GPRC5C: variants seen among roughly 807,000 people sequenced by gnomAD.
GPRC5C encodes the protein G protein-coupled receptor class C group 5 member C, also known as G protein-coupled receptor family C group 5 member C.
In GPRC5C, 22 loss-of-function variants were observed where a neutral mutation model predicts 31.4. The ratio of observed to expected loss-of-function variants is 0.70; its 90% CI spans 0.50 to 1.00. The LOEUF is 1.00. GPRC5C is among the 50% of genes least tolerant of loss of function. GPRC5C has a pLI of 0.00. For missense variants in GPRC5C, 557 were observed against 597.2 expected (o/e 0.93, Z 0.70); for synonymous variants, 249 against 257.5 (o/e 0.97, Z 0.32).
chr17:74,440,744 G>A lies in GPRC5C; in HGVS notation c.968G>A (p.Gly323Asp). The change falls in exon 2 of 4, where the codon GGC becomes GAC. Residue 323 changes from glycine (G) to aspartate (D), a missense_variant. Physicochemically the swap from Gly to Asp is moderately conservative, Grantham distance 94 (BLOSUM62 -1). Transcript: ENST00000392627. This position sits in a 1 kb window ranked among gnomAD's most constrained non-coding sequence, Gnocchi z 4.4. ...GACATGTACCCCACCCGGGGCGTGG[G>A]CTATGAGACCATCCTGAAAGAGCAG... ...QGDMYPTRGV[G>D]YETILKEQKG... is the part of the protein sequence containing the mutation. The A allele has an allele frequency of 6.3e-7, 1 of 1,593,164 alleles. No homozygotes were observed. The highest frequency in any genetic ancestry group is 1.3e-5 in the African/African-American group (1 of 74,630).
At chr17:74,443,710 C>T (rs1317011669) in intron 2 of GPRC5C, 108 bp from the exon 3 acceptor site, 1 of 902,814 alleles carries the variant, frequency 1.1e-6, no homozygotes, top group Non-Finnish European at 1.9e-6. Flanking sequence ...GTTGGCCTGC[C>T]CCCTTTACCT....
chr17:74,439,612 T>G, intron 1 of GPRC5C, 133 bp from the exon 2 acceptor site: 1 of 803,058 alleles, frequency 1.2e-6, no homozygotes. Flanking sequence ...TTAAGAAGGA[T>G]TCTGAGGTCC....
chr17:74,447,087 G>C lies in GPRC5C; in HGVS notation c.*59G>C. On this transcript the variant is annotated 3_prime_UTR_variant, in exon 4 of 4. Transcript: ENST00000392627. ...GGGAGGGCCCTGAGGACCTGGCCCC[G>C]GGCAAGGGACTCTCCAGGCTCCTCC... The C allele has an allele frequency of 1.3e-6, 2 of 1,562,840 alleles. No individual in the cohort carries two copies. The highest frequency in any genetic ancestry group is 1.7e-6 in the Non-Finnish European group (2 of 1,149,822).
intron 1 of GPRC5C, among the ~76,000 whole-genome samples, chr17:74,438,497 G>A (rs1226757612): frequency 2.6e-5 from 4 of 151,982 alleles, no homozygotes; most frequent in African/African-American, 9.7e-5. Flanking sequence ...CTGACCTCAA[G>A]TGATCCACCA....
chr17:74,440,080 T>C lies in GPRC5C; in HGVS notation c.304T>C (p.Cys102Arg), dbSNP rs145690790. The C allele has an allele frequency of 2.5e-6, 4 of 1,613,764 alleles. No homozygotes were observed. Among genetic ancestry groups the C allele is most frequent in the Non-Finnish European group, 3.4e-6 (4 of 1,180,028 alleles). ...FFLLGTLGLFCLVFACVVKPD... is the reference protein window; with the variant it reads ...FFLLGTLGLFRLVFACVVKPD... ...CCTTCTGGGGACCCTGGGCCTCTTCTGCCTCGTGTTTGCCTGTGTGGTGAA... is the reference window on the plus strand; with the variant it reads ...CCTTCTGGGGACCCTGGGCCTCTTCCGCCTCGTGTTTGCCTGTGTGGTGAA... Residue 102 changes from cysteine (C) to arginine (R), a missense_variant, in exon 2 of 4, where the codon TGC becomes CGC. Physicochemically the swap from Cys to Arg is radical, Grantham distance 180. Coordinates refer to ENST00000392627, the MANE Select transcript of GPRC5C (RefSeq NM_022036.4). This position sits in a 1 kb window ranked among gnomAD's most constrained non-coding sequence, Gnocchi z 4.4.
At chr17:74,448,223 C>G (rs1361875429), downstream of GPRC5C, among the ~76,000 whole-genome samples, 1 of 152,058 alleles carries the variant, frequency 6.6e-6, no homozygotes, top group Non-Finnish European at 1.5e-5. Context: ...ATCTCTTAAG[C>G]CCAGGAGGTC....
intron 1 of GPRC5C, chr17:74,432,622 G>A (rs2055371656): frequency 1.5e-6 from 1 of 653,554 alleles, no homozygotes; most frequent in African/African-American, 2.0e-5. Context: ...ACATCCTGCG[G>A]GCTGGGGACG....
Position 74,447,275 on chromosome 17 carries a change from C to G in GPRC5C, c.*247C>G, listed in dbSNP as rs930722977. The G allele has an allele frequency of 3.1e-6, 4 of 1,275,376 alleles. No individual in the cohort carries two copies. Among genetic ancestry groups the G allele is most frequent in the Non-Finnish European group, 4.0e-6 (4 of 1,007,888 alleles). 79.0% of individuals were successfully genotyped at this position (1,275,376 alleles called of 1,614,324 possible). A position where few individuals can be genotyped will look rare whatever the true frequency, so the allele number is the denominator to read the frequency against. The stretch of plus-strand genomic sequence containing the variant: ...CCAGGATCACCTCGGCGGTCACACT[C>G]CAGCCAAATAGTGTTCTCGGGGTGG... On this transcript the variant is annotated 3_prime_UTR_variant, in exon 4 of 4. Coordinates refer to ENST00000392627, the MANE Select transcript of GPRC5C (RefSeq NM_022036.4).
downstream of GPRC5C, among the ~76,000 whole-genome samples, chr17:74,449,143 A>G (rs878926225): frequency 8.8e-5 from 13 of 148,354 alleles, no homozygotes; most frequent in South Asian, 1.9e-3. Context: ...GGTTGCTGGG[A>G]AAAAAAAAAT....
chr17:74,441,899 A>G (rs938091321), intron 2 of GPRC5C, among the ~76,000 whole-genome samples: 2 of 152,062 alleles, frequency 1.3e-5, no homozygotes, highest in Non-Finnish European at 2.9e-5. Flanking sequence ...ATTATTTTAC[A>G]TATTTTACTA....
chr17:74,433,624 G>A, intron 1 of GPRC5C: 4 of 1,139,876 alleles, frequency 3.5e-6, no homozygotes, highest in Non-Finnish European at 5.3e-6. Context: ...GCTGTCAGTC[G>A]GGCCATCGTC....
chr17:74,449,416 A>G (rs1437633441), downstream of GPRC5C: 1 of 1,164,260 alleles, frequency 8.6e-7, no homozygotes, highest in Non-Finnish European at 1.2e-6. Context: ...ATTCCTCTGT[A>G]CCCAGGCTGG....
In GPRC5C at chr17:74,440,040, G is replaced by A. The variant is rs140553502; in HGVS notation, c.264G>A (p.Gly88=). Residue 88 remains glycine (G), a synonymous_variant, in exon 2 of 4, where the codon GGG becomes GGA. Transcript: ENST00000392627. This position sits in a 1 kb window ranked among gnomAD's most constrained non-coding sequence, Gnocchi z 4.4. The part of the protein sequence containing the change: ...VQDTKKRSLL[G]TQVFFLLGTL... ...ACACCAAGAAACGGAGCCTGCTGGG[G>A]ACCCAGGTATTCTTCCTTCTGGGGA... The A allele has an allele frequency of 1.6e-5, 25 of 1,611,372 alleles. No homozygotes were observed. The African/African-American group carries it at 3.2e-4, about 21-fold the overall frequency.
At chr17:74,436,676 G>A (rs2055435320) in intron 1 of GPRC5C, among the ~76,000 whole-genome samples, 2 of 152,206 alleles carry the variant, frequency 1.3e-5, no homozygotes, top group African/African-American at 4.8e-5. Flanking sequence ...TGCTGATTTG[G>A]AGTAATTGCC....
At chr17:74,443,629 T>C in intron 2 of GPRC5C, 189 bp from the exon 3 acceptor site, 1 of 699,504 alleles carries the variant, frequency 1.4e-6, no homozygotes, top group Non-Finnish European at 2.6e-6. Context: ...GGTGCTAGGC[T>C]TGGGAGGGGG....
chr17:74,447,258 A>G lies in GPRC5C; in HGVS notation c.*230A>G, dbSNP rs774422751. On this transcript the variant is annotated 3_prime_UTR_variant, in exon 4 of 4. Coordinates refer to ENST00000392627, the MANE Select transcript of GPRC5C (RefSeq NM_022036.4). ...CCAACCCCAGCCTCCTGCCAGGATCACCTCGGCGGTCACACTCCAGCCAAA... is the reference window on the plus strand; with the variant it reads ...CCAACCCCAGCCTCCTGCCAGGATCGCCTCGGCGGTCACACTCCAGCCAAA... The G allele has an allele frequency of 8.7e-4, 1,117 of 1,278,062 alleles. 1 individual carries two copies. Among genetic ancestry groups the G allele is most frequent in the Non-Finnish European group, 1.0e-3 (1,044 of 1,010,120 alleles). The allele number at this position is 1,278,062 out of a possible 1,614,324, so 79.2% of individuals were successfully genotyped here. A position where few individuals can be genotyped will look rare whatever the true frequency, so the allele number is the denominator to read the frequency against.
At chr17:74,445,031 C>T (rs1567964368) in intron 3 of GPRC5C, among the ~76,000 whole-genome samples, 1 of 152,130 alleles carries the variant, frequency 6.6e-6, no homozygotes, top group African/African-American at 2.4e-5. Context: ...AGGTGGATCA[C>T]CTGAGGTCAG....
At position 74,440,519 on chromosome 17, in the gene GPRC5C, C is replaced by A; in HGVS notation, c.743C>A (p.Thr248Asn). Residue 248 changes from threonine (T) to asparagine (N), a missense_variant, in exon 2 of 4, where the codon ACC (threonine) becomes AAC (asparagine). Transcript: ENST00000392627. This position sits in a 1 kb window ranked among gnomAD's most constrained non-coding sequence, Gnocchi z 4.4. ...WRKHGVFVLL[T>N]TATSVAIWVV... ...AAGCATGGGGTCTTTGTGCTCCTCA[C>A]CACAGCCACCTCCGTTGCCATATGG... The A allele has an allele frequency of 6.2e-7, 1 of 1,614,198 alleles. No homozygotes were observed. Among genetic ancestry groups the A allele is most frequent in the Non-Finnish European group, 8.5e-7 (1 of 1,180,046 alleles).
intron 1 of GPRC5C, among the ~76,000 whole-genome samples, chr17:74,438,174 A>G (rs1007457699): frequency 7.1e-6 from 1 of 140,784 alleles, no homozygotes; most frequent in African/African-American, 2.7e-5. Flanking sequence ...AGCTCAGACT[A>G]CAGGTGCATG....
Sources: allele counts gnomAD v4.1 joint callset (sites outside exome capture counted in the v4.1 genomes callset), GRCh38; gene constraint gnomAD v4.1.1; non-coding constraint Gnocchi (gnomAD v3.1); transcripts MANE v1.5; gene names NCBI Gene and HGNC (gene_info 2026-07-23, HGNC 2026-07-21).